RELCH: variants seen among roughly 807,000 people sequenced by gnomAD.
RELCH encodes RAB11 binding and LisH domain, coiled-coil and HEAT repeat containing.
RELCH carries 41 observed loss-of-function variants against 150.3 expected under a neutral mutation model. That is an observed-to-expected ratio of 0.27 (90% confidence interval 0.21 to 0.35). The LOEUF (loss-of-function observed/expected upper bound fraction) is 0.35, where lower values mean the gene tolerates loss of function less well. RELCH is among the 10% of genes least tolerant of loss of function. The pLI, the probability that RELCH is intolerant of heterozygous loss-of-function variation, is 1.00. For missense variants in RELCH, 1,092 were observed against 1,467.8 expected, an observed-to-expected ratio of 0.74 and a Z score of 4.18; for synonymous variants, 478 against 531.8, an observed-to-expected ratio of 0.90 and a Z score of 1.39.
At chr18:62,196,947 T>C (rs149591353) in intron 1 of RELCH, among the ~76,000 whole-genome samples, 26 of 152,246 alleles carry the variant, frequency 1.7e-4, no homozygotes, top group African/African-American at 5.8e-4. Flanking sequence ...ATTGTGAAAA[T>C]GAAATGGGCC....
intron 1 of RELCH, among the ~76,000 whole-genome samples, chr18:62,200,654 A>G (rs558431024): frequency 6.6e-6 from 1 of 151,794 alleles, no homozygotes; most frequent in South Asian, 2.1e-4. Context: ...TGTATTCTAA[A>G]GTGTTTCACA....
At chr18:62,193,735 C>T (rs1264061236) in intron 1 of RELCH, among the ~76,000 whole-genome samples, 1 of 152,120 alleles carries the variant, frequency 6.6e-6, no homozygotes, top group Non-Finnish European at 1.5e-5. Flanking sequence ...AGTGAATAAA[C>T]TTTTTGACGT....
intron 5 of RELCH, 51 bp from the exon 6 acceptor site, chr18:62,227,238 G>C: frequency 8.2e-7 from 1 of 1,220,942 alleles, no homozygotes; most frequent in Non-Finnish European, 1.2e-6. Flanking sequence ...TTTCAAAAAT[G>C]TAAGATAAAA....
At chr18:62,188,101 G>C (rs531468676) in intron 1 of RELCH, 70 bp downstream of exon 1, 16 of 1,437,046 alleles carry the variant, frequency 1.1e-5, no homozygotes, top group East Asian at 2.4e-5. Flanking sequence ...TAGGGGAGAG[G>C]GGGTATTTCT....
intron 2 of RELCH, among the ~76,000 whole-genome samples, chr18:62,219,656 T>C (rs952956694): frequency 6.6e-6 from 1 of 152,090 alleles, no homozygotes; most frequent in Admixed American, 6.6e-5. Context: ...CAGAAGTATT[T>C]GCAGATCAGC....
intron 26 of RELCH, among the ~76,000 whole-genome samples, chr18:62,288,985 T>G (rs1392152673): frequency 6.6e-6 from 1 of 152,148 alleles, no homozygotes. Context: ...TAATCTTATA[T>G]AGCAGAGAGT....
intron 27 of RELCH, among the ~76,000 whole-genome samples, chr18:62,297,745 C>A (rs761604271): frequency 6.6e-6 from 1 of 152,190 alleles, no homozygotes; most frequent in Non-Finnish European, 1.5e-5. Context: ...CTCCCTTGCT[C>A]ACCCTGCACC....
intron 1 of RELCH, among the ~76,000 whole-genome samples, chr18:62,193,051 G>C (rs1315524632): frequency 6.6e-6 from 1 of 152,134 alleles, no homozygotes. Flanking sequence ...TCCTTTAACA[G>C]TGGTTTGTAG....
At chr18:62,234,744 C>A (rs1288311699) in intron 10 of RELCH, 2 of 151,804 alleles carry the variant, frequency 1.3e-5, no homozygotes, top group Non-Finnish European at 2.9e-5. Context: ...CTAGAGTATT[C>A]TTTCAAGTCC....
chr18:62,279,729 C>G, intron 22 of RELCH, 45 bp from the exon 23 acceptor site: 1 of 1,308,778 alleles, frequency 7.6e-7, no homozygotes, highest in Non-Finnish European at 1.1e-6. Context: ...TGTGTTTGCT[C>G]TTTCCGTGCA....
chr18:62,224,272 T>C (rs1466810929), intron 5 of RELCH, among the ~76,000 whole-genome samples: 3 of 151,812 alleles, frequency 2.0e-5, no homozygotes, highest in Admixed American at 6.6e-5. Flanking sequence ...TCCAGCTTCA[T>C]CCATGTCCCT....
intron 10 of RELCH, among the ~76,000 whole-genome samples, chr18:62,233,031 C>T (rs1308509537): frequency 2.0e-5 from 3 of 151,618 alleles, no homozygotes; most frequent in Non-Finnish European, 4.4e-5. Flanking sequence ...TTTAAGTATC[C>T]AAAATACATT....
At chr18:62,249,186 G>A (rs754495040) in intron 11 of RELCH, among the ~76,000 whole-genome samples, 1 of 152,104 alleles carries the variant, frequency 6.6e-6, no homozygotes, top group Non-Finnish European at 1.5e-5. Flanking sequence ...CCTCTTCTGA[G>A]AATGTTGGAA....
intron 11 of RELCH, among the ~76,000 whole-genome samples, chr18:62,249,688 A>G (rs1346799146): frequency 6.6e-6 from 1 of 151,926 alleles, no homozygotes; most frequent in African/African-American, 2.4e-5. Context: ...GGTGGCCAAA[A>G]GTACTTACTA....
intron 1 of RELCH, among the ~76,000 whole-genome samples, chr18:62,189,918 T>C (rs1015933395): frequency 2.0e-5 from 3 of 152,226 alleles, no homozygotes; most frequent in East Asian, 1.9e-4. Context: ...CATTTATTTG[T>C]ACCTGTTTTA....
chr18:62,214,263 C>G (rs187899102), intron 2 of RELCH, among the ~76,000 whole-genome samples: 14 of 152,046 alleles, frequency 9.2e-5, no homozygotes. Flanking sequence ...GTTATTGAAC[C>G]AAATGTGTGT....
chr18:62,223,703 A>G (rs2041024956), intron 5 of RELCH, among the ~76,000 whole-genome samples: 1 of 152,262 alleles, frequency 6.6e-6, no homozygotes, highest in Non-Finnish European at 1.5e-5. Flanking sequence ...ATCAAATTAA[A>G]CAGAATGTTA....
intron 18 of RELCH, 31 bp downstream of exon 18, chr18:62,264,883 T>C (rs781755409): frequency 1.3e-6 from 2 of 1,555,786 alleles, no homozygotes; most frequent in Non-Finnish European, 1.8e-6. Flanking sequence ...TTTTCTTATA[T>C]GAAAAAGACA....
At chr18:62,304,763 G>A (rs926081553) in intron 28 of RELCH, among the ~76,000 whole-genome samples, 1 of 152,166 alleles carries the variant, frequency 6.6e-6, no homozygotes, top group Non-Finnish European at 1.5e-5. Context: ...TTTAGATTGT[G>A]TTTATTCCCT....
Sources: gnomAD v4.1 joint callset for allele counts (sites outside exome capture counted in the v4.1 genomes callset) on GRCh38, gnomAD v4.1.1 for gene constraint, MANE v1.5 for transcripts, NCBI Gene and HGNC (gene_info 2026-07-23, HGNC 2026-07-21) for gene names.